The following MACF1 variants were observed in gnomAD, a reference collection of about 807,000 sequenced individuals.
MACF1 encodes microtubule actin crosslinking factor 1, also known as microtubule-actin cross-linking factor 1.
A neutral mutation model predicts 854.8 loss-of-function variants in MACF1; 193 were observed. The ratio of observed to expected loss-of-function variants is 0.23; its 90% CI spans 0.20 to 0.25. The LOEUF (loss-of-function observed/expected upper bound fraction) is 0.25, where lower values mean the gene tolerates loss of function less well. Ranked by LOEUF, MACF1 falls within the 10% of genes least tolerant of loss-of-function variation. The pLI, the probability that MACF1 is intolerant of heterozygous loss-of-function variation, is 1.00. For synonymous variants in MACF1, 3,185 were observed against 3,226.7 expected, an observed-to-expected ratio of 0.99 and a Z score of 0.44; for missense variants, 7,722 against 8,929.1, an observed-to-expected ratio of 0.86 and a Z score of 5.45.
intron 64 of MACF1, among the ~76,000 whole-genome samples, 177 bp downstream of exon 64, chr1:39,429,503 C>CT (rs1205787049): frequency 6.6e-6 from 1 of 152,086 alleles, no homozygotes; most frequent in Non-Finnish European, 1.5e-5. Flanking sequence ...CTTTTGAAAA[C>CT]TAAGTTATCT....
chr1:39,431,875 C>T (rs941844666), intron 66 of MACF1, among the ~76,000 whole-genome samples: 1 of 152,100 alleles, frequency 6.6e-6, no homozygotes, highest in African/African-American at 2.4e-5. Context: ...ATTAGAGAGG[C>T]TGAGGTGAAA....
intron 2 of MACF1, among the ~76,000 whole-genome samples, chr1:39,191,741 C>A (rs1644257191): frequency 6.6e-6 from 1 of 152,220 alleles, no homozygotes. Context: ...TAATCATACT[C>A]ATTGGCTTTT....
intron 58 of MACF1, among the ~76,000 whole-genome samples, chr1:39,417,712 AATTTTTTTT>A (rs1643371159): frequency 1.5e-5 from 1 of 68,488 alleles, no homozygotes; most frequent in Non-Finnish European, 3.1e-5. Context: ...ACACCCAGTT[AATTTTTTTT>A]TTTTTTTTTT....
In MACF1 at chr1:39,105,820, C is replaced by T. The variant is rs1642216539; in HGVS notation, c.220+21382C>T. ...TGCAGGTGGGGCGGCCGGGCGGGGT[C>T]GCACCCACCGCGCGGGGCTTGGCCC... On this transcript the variant is annotated intron_variant, in intron 2 of 93. Coordinates refer to the MACF1 transcript ENST00000361689. This position sits in a 1 kb window ranked among gnomAD's most constrained non-coding sequence, Gnocchi z 5.9. The T allele has an allele frequency of 1.1e-6, 1 of 890,688 alleles. No individual in the cohort carries two copies. The highest frequency in any genetic ancestry group is 1.3e-6 in the Non-Finnish European group (1 of 742,534). The allele number at this position is 890,688 out of a possible 1,614,324, so 55.2% of individuals were successfully genotyped here. A position where few individuals can be genotyped will look rare whatever the true frequency, so the allele number is the denominator to read the frequency against.
At position 39,257,823 on chromosome 1, in the gene MACF1, T is replaced by G. The variant is rs1051680574; in HGVS notation, c.436-113T>G. The stretch of plus-strand genomic sequence containing the variant: ...ATACATGTGTTAAAACTCATAGAAC[T>G]GTACACCAAAAAAGAAATCAGTTTA... On this transcript the variant is annotated intron_variant, in intron 5 of 100. Coordinates refer to ENST00000564288, the MANE Select transcript of MACF1 (RefSeq NM_001394062.1). The G allele has an allele frequency of 9.2e-6, 7 of 760,958 alleles. 1 individual carries two copies. The highest frequency in any genetic ancestry group is 2.8e-4 in the Middle Eastern group (1 of 3,614). The allele number at this position is 760,958 out of a possible 1,614,324, so 47.1% of individuals were successfully genotyped here. A position where few individuals can be genotyped will look rare whatever the true frequency, so the allele number is the denominator to read the frequency against.
At chr1:39,290,599 T>C in intron 15 of MACF1, among the ~76,000 whole-genome samples, 1 of 454 alleles carries the variant, frequency 2.2e-3, no homozygotes, top group Admixed American at 0.026. Flanking sequence ...GTAAATCTGT[T>C]TTTTTTTTTT....
In MACF1 at chr1:39,245,042, A is replaced by G. The variant is rs1320367594; in HGVS notation, c.172-4972A>G. 3.9e-5 allele frequency among the ~76,000 whole-genome samples: 6 copies of G among 152,220 alleles called. No homozygotes were observed. In the East Asian group the frequency reaches 1.2e-3, roughly 30 times the overall value. On this transcript the variant is annotated intron_variant, in intron 2 of 100. Coordinates refer to ENST00000564288, the MANE Select transcript of MACF1 (RefSeq NM_001394062.1). ...GTTTTATTTTTATAGTTATTTGGTT[A>G]CTATAGTCAGACAAAGATTGAGAGG... is the stretch of plus-strand genomic sequence containing the variant.
At chr1:39,159,046 C>T (rs1293577610) in intron 2 of MACF1, among the ~76,000 whole-genome samples, 1 of 152,170 alleles carries the variant, frequency 6.6e-6, no homozygotes, top group Non-Finnish European at 1.5e-5. Flanking sequence ...AGGCTCCCTA[C>T]CCTTTGTCCT....
chr1:39,450,910 C>G, intron 84 of MACF1, 142 bp from the exon 85 acceptor site: 1 of 972,920 alleles, frequency 1.0e-6, no homozygotes, highest in East Asian at 2.7e-5. Context: ...CGCGCCCGGC[C>G]TTTACTGTAT....
intron 2 of MACF1, among the ~76,000 whole-genome samples, chr1:39,167,031 G>T (rs1323694762): frequency 6.6e-6 from 1 of 151,748 alleles, no homozygotes; most frequent in African/African-American, 2.4e-5. Flanking sequence ...GCACAATCTC[G>T]GCTCACTGCA....
chr1:39,287,554 G>C lies in MACF1; in HGVS notation c.1777G>C (p.Glu593Gln). 1 of 1,614,220 alleles carries C rather than the reference G, an allele frequency of 6.2e-7. No individual in the cohort carries two copies. Among genetic ancestry groups the C allele is most frequent in the Non-Finnish European group, 8.5e-7 (1 of 1,180,028 alleles). ...FVYELLSWVEEMQMKLERAEW... is the reference protein window; with the variant it reads ...FVYELLSWVEQMQMKLERAEW... ...GTATGAACTACTGTCTTGGGTAGAA[G>C]AGATGCAGGTGGGTGCATATCCAAA... Residue 593 changes from glutamate (E) to glutamine (Q), a missense_variant, in exon 15 of 101, where the codon GAG (glutamate) becomes CAG (glutamine). Transcript: ENST00000564288.
intron 84 of MACF1, 73 bp from the exon 85 acceptor site, chr1:39,450,979 T>G: frequency 6.6e-7 from 1 of 1,522,278 alleles, no homozygotes; most frequent in Non-Finnish European, 9.0e-7. Flanking sequence ...ATATTCCCTT[T>G]CAGCGAGGCA....
At chr1:39,308,331 T>C (rs1320059446) in intron 23 of MACF1, among the ~76,000 whole-genome samples, 1 of 152,192 alleles carries the variant, frequency 6.6e-6, no homozygotes, top group East Asian at 1.9e-4. Context: ...TTGTTGTTGC[T>C]TTTTTATATT....
chr1:39,370,671 T>A (rs1649146476), intron 51 of MACF1, among the ~76,000 whole-genome samples: 1 of 152,196 alleles, frequency 6.6e-6, no homozygotes, highest in African/African-American at 2.4e-5. Flanking sequence ...CACTTATCCT[T>A]ATTTTCTCAG....
chr1:39,395,559 T>G (rs1642240158), intron 58 of MACF1, among the ~76,000 whole-genome samples: 1 of 152,354 alleles, frequency 6.6e-6, no homozygotes, highest in Admixed American at 6.5e-5. Context: ...GATGATGCAT[T>G]GCCAAAGAGA....
intron 2 of MACF1, among the ~76,000 whole-genome samples, chr1:39,139,599 G>A (rs1016425222): frequency 3.3e-5 from 5 of 151,384 alleles, no homozygotes; most frequent in African/African-American, 1.2e-4. Flanking sequence ...CTGCTTTCAT[G>A]CCTTTGCTCA....
chr1:39,381,664 C>A (rs1650232913), intron 55 of MACF1, among the ~76,000 whole-genome samples: 1 of 151,952 alleles, frequency 6.6e-6, no homozygotes, highest in South Asian at 2.1e-4. Context: ...GATCCCGTCT[C>A]TACAAAAAAT....
chr1:39,192,845 C>T (rs148887655), intron 2 of MACF1, among the ~76,000 whole-genome samples: 9 of 152,256 alleles, frequency 5.9e-5, no homozygotes, highest in Non-Finnish European at 1.2e-4. Flanking sequence ...ACTTTATGGG[C>T]GAAGCGCAGT....
intron 6 of MACF1, among the ~76,000 whole-genome samples, chr1:39,281,524 T>TTA (rs1161289500): frequency 2.0e-5 from 3 of 151,650 alleles, no homozygotes; most frequent in Non-Finnish European, 2.9e-5. Context: ...GGAGTCTCAC[T>TTA]CTGTCACTCA....
Sources: gnomAD v4.1 joint callset for allele counts (sites outside exome capture counted in the v4.1 genomes callset) on GRCh38, gnomAD v4.1.1 for gene constraint, Gnocchi (gnomAD v3.1) non-coding constraint, MANE v1.5 for transcripts, NCBI Gene and HGNC (gene_info 2026-07-23, HGNC 2026-07-21) for gene names.